Variants in PTPRK observed in about 807,000 individuals in gnomAD.
The protein encoded by PTPRK is protein tyrosine phosphatase receptor type K.
A neutral mutation model predicts 178.0 loss-of-function variants in PTPRK; 75 were observed. The observed-to-expected ratio is 0.42, with a 90% confidence interval of 0.35 to 0.51. The LOEUF is 0.51. PTPRK is among the 20% of genes least tolerant of loss of function. PTPRK has a pLI of 0.02. For synonymous variants in PTPRK, 637 were observed against 620.6 expected (o/e 1.03, Z -0.39); for missense variants, 1,441 against 1,797.8 (o/e 0.80, Z 3.59).
intron 1 of PTPRK, among the ~76,000 whole-genome samples, chr6:128,495,932 CTT>C (rs1173861541): frequency 6.6e-6 from 1 of 152,190 alleles, no homozygotes; most frequent in Non-Finnish European, 1.5e-5. Context: ...AGGTGGGACT[CTT>C]TGCTTGTATC....
intron 2 of PTPRK, among the ~76,000 whole-genome samples, chr6:128,341,968 T>G (rs1199290531): frequency 6.6e-6 from 1 of 152,148 alleles, no homozygotes; most frequent in Non-Finnish European, 1.5e-5. Context: ...AGAAGGTATA[T>G]ACGGCCAGTC....
At chr6:128,345,828 G>A (rs1489275366) in intron 2 of PTPRK, among the ~76,000 whole-genome samples, 1 of 152,052 alleles carries the variant, frequency 6.6e-6, no homozygotes, top group Non-Finnish European at 1.5e-5. Flanking sequence ...TTATACCAAA[G>A]GCTGTGAGAT....
Position 128,064,773 on chromosome 6 carries a change from G to A in PTPRK, c.2179C>T (p.Arg727Cys), listed in dbSNP as rs377279284. The stretch of plus-strand genomic sequence containing the variant: ...AACCTCTTACCTTTTGTAGCAATGC[G>A]TACGCACTGGGTTTTAGTTTCCTGA... Reference protein sequence around the residue: ...VEKETKTQCVRIATKAAATEE... With the variant: ...VEKETKTQCVCIATKAAATEE... Residue 727 changes from arginine (R) to cysteine (C), a missense_variant, in exon 13 of 30, where the codon CGC (arginine) becomes TGC (cysteine). Arg to Cys is a radical substitution (Grantham distance 180). Coordinates refer to ENST00000368226, the MANE Select transcript of PTPRK (RefSeq NM_002844.4). 344 of 1,587,644 alleles carry A rather than the reference G, an allele frequency of 2.2e-4. No individual in the cohort carries two copies. Among genetic ancestry groups the A allele is most frequent in the Non-Finnish European group, 2.8e-4 (325 of 1,172,504 alleles).
At chr6:128,197,435 T>C (rs965670535) in intron 6 of PTPRK, among the ~76,000 whole-genome samples, 1 of 152,120 alleles carries the variant, frequency 6.6e-6, no homozygotes, top group African/African-American at 2.4e-5. Flanking sequence ...ATACTAGATG[T>C]ATCATTACTA....
At chr6:128,056,127 C>T (rs1779852930) in intron 13 of PTPRK, among the ~76,000 whole-genome samples, 1 of 151,584 alleles carries the variant, frequency 6.6e-6, no homozygotes, top group African/African-American at 2.4e-5. Flanking sequence ...TTGGAATGAC[C>T]TGTGGATGCC....
At chr6:128,237,713 C>G (rs1813550328) in intron 5 of PTPRK, among the ~76,000 whole-genome samples, 1 of 152,166 alleles carries the variant, frequency 6.6e-6, no homozygotes, top group Non-Finnish European at 1.5e-5. Flanking sequence ...GAATTCAGAA[C>G]TGAGCTTCTT....
At position 128,327,324 on chromosome 6, in the gene PTPRK, A is replaced by T. The variant is rs138128053; in HGVS notation, c.224-5014T>A. ...ATGTGTTGGTATACTTTAGTACACT[A>T]ACATAATATTTGTATTGTCAGTTCT... is the stretch of plus-strand genomic sequence containing the variant. On this transcript the variant is annotated intron_variant, in intron 2 of 29. Transcript: ENST00000368226. Among the ~76,000 whole-genome samples the T allele has an allele frequency of 8.4e-4, 128 of 152,332 alleles. 1 individual carries two copies. Among genetic ancestry groups the T allele is most frequent in the Non-Finnish European group, 1.4e-3 (92 of 68,020 alleles).
At chr6:128,102,901 G>A (rs543530709) in intron 7 of PTPRK, among the ~76,000 whole-genome samples, 10 of 152,068 alleles carry the variant, frequency 6.6e-5, no homozygotes, top group Non-Finnish European at 1.0e-4. Flanking sequence ...ATATAGACAA[G>A]AGGCAGGGAA....
At chr6:128,329,491 C>G (rs1181487208) in intron 2 of PTPRK, among the ~76,000 whole-genome samples, 1 of 151,318 alleles carries the variant, frequency 6.6e-6, no homozygotes, top group Non-Finnish European at 1.5e-5. Context: ...GGTATAATTC[C>G]AATCCGAGCC....
intron 3 of PTPRK, among the ~76,000 whole-genome samples, chr6:128,304,616 A>C (rs1826106602): frequency 6.6e-6 from 1 of 152,222 alleles, no homozygotes; most frequent in African/African-American, 2.4e-5. Flanking sequence ...AAGCCCTTGA[A>C]ATTAAAACAT....
chr6:128,446,587 A>G (rs979728514), intron 1 of PTPRK, among the ~76,000 whole-genome samples: 2 of 152,244 alleles, frequency 1.3e-5, no homozygotes, highest in African/African-American at 4.8e-5. Flanking sequence ...GCAGATCTGA[A>G]TAGCACAGAA....
rs548600891 is a variant in PTPRK, at chr6:128,282,948, G to A, written c.495+39091C>T. On this transcript the variant is annotated intron_variant, in intron 3 of 29. Coordinates refer to ENST00000368226, the MANE Select transcript of PTPRK (RefSeq NM_002844.4). Reference sequence around the variant, plus strand: ...GAGATGGCTGCAGAAAGAGATTAGAGGGCAGAATAAGTATAAAAAATATGA... The same window carrying A: ...GAGATGGCTGCAGAAAGAGATTAGAAGGCAGAATAAGTATAAAAAATATGA... Among the ~76,000 whole-genome samples the A allele has an allele frequency of 1.2e-4, 19 of 152,244 alleles. 1 individual carries two copies. In the South Asian group the frequency reaches 3.7e-3, roughly 30 times the overall value.
intron 5 of PTPRK, among the ~76,000 whole-genome samples, chr6:128,239,084 A>C (rs1241255232): frequency 6.6e-6 from 1 of 151,964 alleles, no homozygotes; most frequent in Non-Finnish European, 1.5e-5. Flanking sequence ...GTAGTAAAAA[A>C]AAAATCATGA....
At position 128,519,199 on chromosome 6, in the gene PTPRK, G is replaced by C; in HGVS notation, c.100+1060C>G. 2.2e-6 allele frequency: 1 copy of C among 456,908 alleles called. No individual in the cohort carries two copies. The highest frequency in any genetic ancestry group is 1.6e-5 in the South Asian group (1 of 63,656). 28.3% of individuals were successfully genotyped at this position (456,908 alleles called of 1,614,324 possible). On this transcript the variant is annotated intron_variant, in intron 1 of 29. Transcript: ENST00000368226. This position sits in a 1 kb window ranked among gnomAD's most constrained non-coding sequence, Gnocchi z 4.3. ...TGGCGGGAGGTAGACAAGTGCTCGG[G>C]AGCCCGCTCCCCAGCGTCCACCTGG...
intron 4 of PTPRK, among the ~76,000 whole-genome samples, chr6:128,240,726 T>A (rs1427580871): frequency 3.3e-5 from 5 of 152,176 alleles, no homozygotes; most frequent in Admixed American, 6.5e-5. Context: ...ACTGGTAAAC[T>A]TTTTTTCTAT....
chr6:128,116,410 T>G (rs1791532283), intron 7 of PTPRK, among the ~76,000 whole-genome samples: 1 of 150,794 alleles, frequency 6.6e-6, no homozygotes, highest in Non-Finnish European at 1.5e-5. Flanking sequence ...TACAGATACA[T>G]GTGAATATAT....
intron 3 of PTPRK, among the ~76,000 whole-genome samples, chr6:128,283,449 C>T (rs976007259): frequency 6.6e-6 from 1 of 152,166 alleles, no homozygotes; most frequent in Non-Finnish European, 1.5e-5. Context: ...TCTTCCTTCT[C>T]ATATCTCAGA....
intron 3 of PTPRK, among the ~76,000 whole-genome samples, chr6:128,257,059 C>T (rs1817451856): frequency 6.6e-6 from 1 of 151,648 alleles, no homozygotes; most frequent in Non-Finnish European, 1.5e-5. Flanking sequence ...GGAGAAACCC[C>T]GTCTCTACTA....
At chr6:128,218,017 T>G (rs1387961168) in intron 6 of PTPRK, among the ~76,000 whole-genome samples, 1 of 152,210 alleles carries the variant, frequency 6.6e-6, no homozygotes, top group East Asian at 1.9e-4. Flanking sequence ...ATTTTTATTT[T>G]TAAGCTTTCA....
Sources: gnomAD v4.1 joint callset for allele counts (sites outside exome capture counted in the v4.1 genomes callset) on GRCh38, gnomAD v4.1.1 for gene constraint, Gnocchi (gnomAD v3.1) non-coding constraint, MANE v1.5 for transcripts, NCBI Gene and HGNC (gene_info 2026-07-23, HGNC 2026-07-21) for gene names.